SHC4: variants seen among roughly 807,000 people sequenced by gnomAD.
The protein encoded by SHC4 is SHC adaptor protein 4.
SHC4 carries 41 observed loss-of-function variants against 69.4 expected under a neutral mutation model. The observed-to-expected ratio is 0.59, with a 90% CI of 0.46 to 0.77. The LOEUF is 0.77. Among genes scored for constraint, SHC4 ranks in the 30% least tolerant of loss-of-function variants. The pLI is 0.00. For missense variants in SHC4, 777 were observed against 783.8 expected (o/e 0.99, Z 0.10); for synonymous variants, 318 against 299.3 (o/e 1.06, Z -0.64).
intron 2 of SHC4, among the ~76,000 whole-genome samples, chr15:48,899,581 TG>T (rs1330598250): frequency 1.3e-5 from 2 of 152,016 alleles, no homozygotes; most frequent in African/African-American, 2.4e-5. Context: ...CTTCTACCAC[TG>T]TTTTTTTTTT....
rs969459108 is a variant in SHC4 at position 48,857,598 on chromosome 15, C to T, written c.1070+94G>A. Reference sequence around the variant, plus strand: ...TTTATTAGTTCATTTTAAAATGCCACATTAATGTTATATATACACACACAA... The same window carrying T: ...TTTATTAGTTCATTTTAAAATGCCATATTAATGTTATATATACACACACAA... On this transcript the variant is annotated intron_variant, in intron 7 of 11. Transcript: ENST00000332408. The T allele has an allele frequency of 7.8e-6, 9 of 1,148,318 alleles. No homozygotes were observed. The African/African-American group carries it at 1.3e-4, about 17-fold the overall frequency. 71.1% of individuals were successfully genotyped at this position (1,148,318 alleles called of 1,614,324 possible). A position where few individuals can be genotyped will look rare whatever the true frequency, so the allele number is the denominator to read the frequency against.
At chr15:48,894,105 A>T (rs943641620) in intron 2 of SHC4, among the ~76,000 whole-genome samples, 1 of 152,204 alleles carries the variant, frequency 6.6e-6, no homozygotes, top group African/African-American at 2.4e-5. Flanking sequence ...TATCAAAATA[A>T]ATATTGCCAC....
intron 1 of SHC4, among the ~76,000 whole-genome samples, chr15:48,925,152 T>G (rs547904724): frequency 3.9e-5 from 6 of 152,316 alleles, no homozygotes; most frequent in Non-Finnish European, 8.8e-5. Flanking sequence ...ACCAGTTAAA[T>G]CCAAACCATA....
At position 48,835,041 on chromosome 15, in the gene SHC4, G is replaced by A; in HGVS notation, c.1484-19C>T. 1 of 1,598,142 alleles carries A rather than the reference G, an allele frequency of 6.3e-7. No individual in the cohort carries two copies. The highest frequency in any genetic ancestry group is 8.5e-7 in the Non-Finnish European group (1 of 1,171,780). On this transcript the variant is annotated intron_variant, in intron 10 of 11. Coordinates refer to ENST00000332408, the MANE Select transcript of SHC4 (RefSeq NM_203349.4). ...GGTGCCTCTGAAGTCAGAACACAAA[G>A]AGAGACATCATCGAGTTACCTCTTC...
At chr15:48,904,249 A>G (rs554565693) in intron 2 of SHC4, among the ~76,000 whole-genome samples, 2 of 152,192 alleles carry the variant, frequency 1.3e-5, no homozygotes, top group Non-Finnish European at 2.9e-5. Context: ...TCTACCACCT[A>G]TTGACTTGCT....
intron 6 of SHC4, among the ~76,000 whole-genome samples, chr15:48,862,195 GGTTT>G (rs1227155817): frequency 2.7e-5 from 4 of 147,806 alleles, no homozygotes; most frequent in Admixed American, 2.7e-4. Context: ...CTGGTTTTGG[GGTTT>G]TTTTTTTTTT....
intron 4 of SHC4, among the ~76,000 whole-genome samples, chr15:48,875,672 A>C (rs1490291259): frequency 6.6e-6 from 1 of 152,248 alleles, no homozygotes; most frequent in African/African-American, 2.4e-5. Context: ...ATGCAGAACT[A>C]TTCAAGTCTT....
chr15:48,826,598 A>C (rs1213171443), intron 11 of SHC4, among the ~76,000 whole-genome samples: 1 of 152,126 alleles, frequency 6.6e-6, no homozygotes, highest in Non-Finnish European at 1.5e-5. Flanking sequence ...CATTCCCATA[A>C]GTTAGGAAAA....
intron 2 of SHC4, among the ~76,000 whole-genome samples, chr15:48,921,670 A>G (rs958581197): frequency 1.3e-5 from 2 of 152,184 alleles, no homozygotes; most frequent in Non-Finnish European, 2.9e-5. Flanking sequence ...TTTAATGCGT[A>G]CAGTTTTTCA....
intron 2 of SHC4, among the ~76,000 whole-genome samples, chr15:48,909,304 A>G (rs568716868): frequency 7.2e-6 from 1 of 138,342 alleles, no homozygotes; most frequent in Non-Finnish European, 1.6e-5. Flanking sequence ...TTTTTTTTGC[A>G]CTATTGTAAA....
intron 1 of SHC4, among the ~76,000 whole-genome samples, chr15:48,932,178 C>T (rs549969920): frequency 2.0e-5 from 3 of 152,240 alleles, no homozygotes; most frequent in Admixed American, 6.5e-5. Flanking sequence ...TCATTCCGTC[C>T]GATCCCCCAA....
At chr15:48,915,193 C>T (rs1258528472) in intron 2 of SHC4, among the ~76,000 whole-genome samples, 2 of 152,168 alleles carry the variant, frequency 1.3e-5, no homozygotes, top group East Asian at 1.9e-4. Flanking sequence ...TGACTTTACA[C>T]CTGTTTATTC....
chr15:48,830,331 A>G (rs1427151133), intron 11 of SHC4, among the ~76,000 whole-genome samples: 3 of 152,328 alleles, frequency 2.0e-5, no homozygotes, highest in Middle Eastern at 3.4e-3. Context: ...TTCTCCACAC[A>G]CAATTTTATG....
intron 3 of SHC4, among the ~76,000 whole-genome samples, chr15:48,888,383 A>T (rs1807082069): frequency 6.6e-6 from 1 of 152,204 alleles, no homozygotes; most frequent in Non-Finnish European, 1.5e-5. Flanking sequence ...ATACTGTATG[A>T]TTCCACTCAT....
Position 48,962,943 on chromosome 15 carries a change from G to A in SHC4, c.73C>T (p.Leu25=). ...YVGLFGHPGM[L]HRAKYSRFRN... is the part of the protein sequence containing the mutation. ...AAGCGGCTGTACTTGGCCCTGTGCA[G>A]CATCCCGGGGTGCCCGAAGAGTCCT... is the stretch of plus-strand genomic sequence containing the variant. Residue 25 remains leucine (L), a synonymous_variant, in exon 1 of 12, where the codon CTG becomes TTG. Coordinates refer to ENST00000332408, the MANE Select transcript of SHC4 (RefSeq NM_203349.4). The A allele has an allele frequency of 9.3e-6, 15 of 1,613,218 alleles. No homozygotes were observed. Among genetic ancestry groups the A allele is most frequent in the Non-Finnish European group, 1.3e-5 (15 of 1,180,022 alleles).
At chr15:48,903,732 G>A (rs1332546722) in intron 2 of SHC4, among the ~76,000 whole-genome samples, 1 of 152,270 alleles carries the variant, frequency 6.6e-6, no homozygotes, top group Admixed American at 6.5e-5. Flanking sequence ...CTCTGGGGCT[G>A]GGGTCCAATA....
intron 2 of SHC4, among the ~76,000 whole-genome samples, chr15:48,914,556 G>A (rs976341358): frequency 6.6e-6 from 1 of 152,172 alleles, no homozygotes; most frequent in Non-Finnish European, 1.5e-5. Context: ...GAAATTAGAA[G>A]AGGCCACTAC....
chr15:48,873,786 G>A (rs1317396085), intron 4 of SHC4, among the ~76,000 whole-genome samples: 1 of 152,112 alleles, frequency 6.6e-6, no homozygotes, highest in Admixed American at 6.5e-5. Flanking sequence ...GTATTTTGGG[G>A]AGAAAGGTAC....
intron 10 of SHC4, 116 bp downstream of exon 10, chr15:48,843,293 T>C (rs1466323534): frequency 9.8e-7 from 1 of 1,025,528 alleles, no homozygotes; most frequent in Non-Finnish European, 1.4e-6. Context: ...CCAACCCTGC[T>C]GACACTTTGA....
Sources: allele counts gnomAD v4.1 joint callset (sites outside exome capture counted in the v4.1 genomes callset), GRCh38; gene constraint gnomAD v4.1.1; transcripts MANE v1.5; gene names NCBI Gene and HGNC (gene_info 2026-07-23, HGNC 2026-07-21).